The following TAFA2 variants were observed in gnomAD, a reference collection of about 807,000 sequenced individuals.
The protein encoded by TAFA2 is chemokine-like protein TAFA-2.
TAFA2 carries 7 observed loss-of-function variants against 18.8 expected under a neutral mutation model. The ratio of observed to expected loss-of-function variants is 0.37; its 90% CI spans 0.21 to 0.70. TAFA2 has a LOEUF of 0.70. Ranked by LOEUF, TAFA2 falls within the 30% of genes least tolerant of loss-of-function variation. The pLI, the probability that TAFA2 is intolerant of heterozygous loss-of-function variation, is 0.53. For synonymous variants in TAFA2, 60 were observed against 54.2 expected (o/e 1.11, Z -0.47); for missense variants, 122 against 158.1 (o/e 0.77, Z 1.23).
chr12:61,851,929 C>T (rs987178469), intron 2 of TAFA2, among the ~76,000 whole-genome samples: 18 of 150,786 alleles, frequency 1.2e-4, no homozygotes, highest in Admixed American at 8.6e-4. Context: ...AAAGACAAGC[C>T]GGGCACGGTG....
chr12:62,233,492 T>C (rs576165270), intron 1 of TAFA2, among the ~76,000 whole-genome samples: 91 of 152,320 alleles, frequency 6.0e-4, no homozygotes, highest in African/African-American at 2.1e-3. Context: ...TTGATCACTC[T>C]GATCCTCTCC....
intron 1 of TAFA2, among the ~76,000 whole-genome samples, chr12:61,893,660 A>C (rs566470430): frequency 6.6e-6 from 1 of 152,334 alleles, no homozygotes; most frequent in Admixed American, 6.5e-5. Context: ...TGTTGGTTTC[A>C]AATTTAATAA....
intron 1 of TAFA2, among the ~76,000 whole-genome samples, chr12:62,133,723 G>A (rs1870781561): frequency 6.6e-6 from 1 of 152,064 alleles, no homozygotes; most frequent in African/African-American, 2.4e-5. Context: ...TGAATACCTG[G>A]TTTAATTGTT....
chr12:62,094,098 G>T lies in TAFA2; in HGVS notation c.-2+97161C>A, dbSNP rs141500598. 2.7e-3 allele frequency among the ~76,000 whole-genome samples: 406 copies of T among 152,066 alleles called. 3 individuals are homozygous for T. The highest frequency in any genetic ancestry group is 9.2e-3 in the African/African-American group (380 of 41,518). ...TTTTCGGTGGATATTTTGTAACTTA[G>T]GTACCTAAGACACTAGAAGCTAATG... On this transcript the variant is annotated intron_variant, in intron 1 of 4. Transcript: ENST00000416284.
chr12:62,074,097 C>T (rs963166098), intron 1 of TAFA2, among the ~76,000 whole-genome samples: 2 of 152,182 alleles, frequency 1.3e-5, no homozygotes, highest in South Asian at 2.1e-4. Flanking sequence ...CAATAATTAA[C>T]TTATGCAGCA....
chr12:61,750,159 A>G (rs957610435), intron 4 of TAFA2, among the ~76,000 whole-genome samples: 1 of 152,066 alleles, frequency 6.6e-6, no homozygotes, highest in Non-Finnish European at 1.5e-5. Context: ...TTCACACTGG[A>G]AAGATGATTC....
intron 1 of TAFA2, among the ~76,000 whole-genome samples, chr12:61,963,992 T>G (rs1212749425): frequency 6.6e-6 from 1 of 152,014 alleles, no homozygotes; most frequent in African/African-American, 2.4e-5. Flanking sequence ...CCCTATTTAA[T>G]AAATGGTGTT....
intron 2 of TAFA2, among the ~76,000 whole-genome samples, chr12:61,853,542 A>C (rs921396103): frequency 1.3e-5 from 2 of 152,198 alleles, no homozygotes; most frequent in African/African-American, 4.8e-5. Flanking sequence ...CAGAATCTCT[A>C]GACTGGTAAC....
chr12:62,093,339 G>T (rs1868802015), intron 1 of TAFA2, among the ~76,000 whole-genome samples: 1 of 151,910 alleles, frequency 6.6e-6, no homozygotes, highest in Non-Finnish European at 1.5e-5. Context: ...GTTTATCAAG[G>T]TAATATTAAT....
At chr12:61,786,774 C>T (rs560767798) in intron 2 of TAFA2, among the ~76,000 whole-genome samples, 11 of 151,264 alleles carry the variant, frequency 7.3e-5, no homozygotes, top group East Asian at 5.9e-4. Context: ...TAATACTATA[C>T]GTGAAAGAGT....
intron 1 of TAFA2, chr12:61,880,771 G>T: frequency 2.7e-6 from 1 of 365,214 alleles, no homozygotes; most frequent in Non-Finnish European, 5.4e-6. Context: ...CTGCCTGAGT[G>T]AACTGCCATG....
rs1878679364 is a variant in TAFA2, at chr12:61,955,881, G to T, written c.-1-88455C>A. ...TTTTATTTGTAACAATTTTTGGGGG[G>T]CCAGGAAGCTCTCATAATGTCTCAA... On this transcript the variant is annotated intron_variant, in intron 1 of 4. Transcript: ENST00000416284. 3.3e-5 allele frequency among the ~76,000 whole-genome samples: 5 copies of T among 151,340 alleles called. No homozygotes were observed. In the South Asian group the frequency reaches 1.0e-3, roughly 32 times the overall value.
intron 4 of TAFA2, among the ~76,000 whole-genome samples, chr12:61,747,085 G>A (rs1025222323): frequency 5.3e-5 from 8 of 152,124 alleles, no homozygotes; most frequent in Non-Finnish European, 1.2e-4. Flanking sequence ...CTCAAAAGAA[G>A]ACATTTATGC....
intron 1 of TAFA2, among the ~76,000 whole-genome samples, chr12:61,955,647 A>ATATATATATATATG (rs1878663399): frequency 7.1e-5 from 5 of 70,704 alleles, no homozygotes; most frequent in African/African-American, 2.1e-4. Context: ...ATATATATAT[A>ATATATATATATATG]TATATATATA....
rs1869255522 is a variant in TAFA2 at position 61,708,695 on chromosome 12, C to T, written c.*1711G>A. ...GCAGAAAGCCATTTCATTCCATGAA[C>T]TTATGAGACAGTGGATTTTAGTTCA... is the stretch of plus-strand genomic sequence containing the variant. On this transcript the variant is annotated 3_prime_UTR_variant, in exon 5 of 5. Transcript: ENST00000416284. 1 of 152,044 alleles carries T rather than the reference C, an allele frequency of 6.6e-6. No individual in the cohort carries two copies. The highest frequency in any genetic ancestry group is 1.5e-5 in the Non-Finnish European group (1 of 67,984). The allele number at this position is 152,044 out of a possible 1,614,324, so 9.4% of individuals were successfully genotyped here.
At chr12:61,822,436 T>G (rs1418182824) in intron 2 of TAFA2, among the ~76,000 whole-genome samples, 2 of 152,248 alleles carry the variant, frequency 1.3e-5, no homozygotes, top group Non-Finnish European at 2.9e-5. Flanking sequence ...CTACTAAAAG[T>G]TCAAAATCAC....
intron 1 of TAFA2, among the ~76,000 whole-genome samples, chr12:62,185,025 C>A (rs1355169030): frequency 2.6e-5 from 4 of 151,978 alleles, no homozygotes; most frequent in Admixed American, 6.6e-5. Flanking sequence ...GAATTTTAAC[C>A]ACTCAACAAA....
intron 4 of TAFA2, among the ~76,000 whole-genome samples, chr12:61,750,307 T>A (rs1868950679): frequency 6.6e-6 from 1 of 152,138 alleles, no homozygotes; most frequent in Admixed American, 6.6e-5. Context: ...GTTATAGATG[T>A]CACAGAAAGT....
chr12:62,151,602 A>G lies in TAFA2; in HGVS notation c.-2+39657T>C, dbSNP rs930471356. 4.6e-5 allele frequency among the ~76,000 whole-genome samples: 7 copies of G among 152,372 alleles called. No individual in the cohort carries two copies. The South Asian group carries it at 1.2e-3, about 27-fold the overall frequency. ...AGTGCCAATTTAGTCATGCAAATATATAGTGGCATAGAGACAAAAATCCTT... is the reference window on the plus strand; with the variant it reads ...AGTGCCAATTTAGTCATGCAAATATGTAGTGGCATAGAGACAAAAATCCTT... On this transcript the variant is annotated intron_variant, in intron 1 of 4. Coordinates refer to ENST00000416284, the MANE Select transcript of TAFA2 (RefSeq NM_178539.5).
Sources: allele counts gnomAD v4.1 joint callset (sites outside exome capture counted in the v4.1 genomes callset), GRCh38; gene constraint gnomAD v4.1.1; transcripts MANE v1.5; gene names NCBI Gene and HGNC (gene_info 2026-07-23, HGNC 2026-07-21).